Variants in CRK observed in about 807,000 individuals in gnomAD.
The protein encoded by CRK is adapter molecule crk.
Under a neutral mutation model 29.8 loss-of-function variants are expected in CRK, and 4 were observed. The ratio of observed to expected loss-of-function variants is 0.13; its 90% CI spans 0.07 to 0.31. CRK has a LOEUF of 0.31. CRK is among the 10% of genes least tolerant of loss of function. The pLI is 1.00. For missense variants in CRK, 274 were observed against 396.5 expected (o/e 0.69, Z 2.62); for synonymous variants, 153 against 164.9 (o/e 0.93, Z 0.55).
chr17:1,422,852 A>AAT lies in CRK; in HGVS notation c.*659_*660dup, dbSNP rs2073740854. The AAT allele has an allele frequency of 2.5e-6, 1 of 398,294 alleles. No individual in the cohort carries two copies. The highest frequency in any genetic ancestry group is 2.1e-5 in the African/African-American group (1 of 48,644). The allele number at this position is 398,294 out of a possible 1,614,324, so 24.7% of individuals were successfully genotyped here. A position where few individuals can be genotyped will look rare whatever the true frequency, so the allele number is the denominator to read the frequency against. ...CATCCTGCTTTTCACCTGGAATGAA[A>AAT]ATACACACTTATCTTAGGAATTCAC... On this transcript the variant is annotated 3_prime_UTR_variant, in exon 3 of 3. Transcript: ENST00000300574.
chr17:1,441,636 C>G (rs1402878610), intron 1 of CRK, among the ~76,000 whole-genome samples: 2 of 151,936 alleles, frequency 1.3e-5, no homozygotes, highest in Non-Finnish European at 2.9e-5. Context: ...GGACTACAGG[C>G]CCGCGCCACC....
chr17:1,441,333 G>A (rs928720004), intron 1 of CRK, among the ~76,000 whole-genome samples: 1 of 151,900 alleles, frequency 6.6e-6, no homozygotes, highest in Non-Finnish European at 1.5e-5. Flanking sequence ...ACATGATTTT[G>A]TTATTTCTTT....
At chr17:1,427,893 A>G (rs2073796797) in intron 2 of CRK, among the ~76,000 whole-genome samples, 1 of 151,886 alleles carries the variant, frequency 6.6e-6, no homozygotes, top group Non-Finnish European at 1.5e-5. Flanking sequence ...TCGGCTTCCC[A>G]AAGTGCTGGA....
chr17:1,438,846 T>A (rs1441412362), intron 1 of CRK, among the ~76,000 whole-genome samples: 3 of 145,890 alleles, frequency 2.1e-5, no homozygotes, highest in Non-Finnish European at 3.0e-5. Context: ...AAAGTTTCTT[T>A]AAAAAAAAAA....
At chr17:1,452,488 C>G (rs149832221) in intron 1 of CRK, among the ~76,000 whole-genome samples, 1 of 152,214 alleles carries the variant, frequency 6.6e-6, no homozygotes, top group Non-Finnish European at 1.5e-5. Flanking sequence ...CAAAGTAATT[C>G]TGAGGTTATA....
chr17:1,425,223 G>A lies in CRK; in HGVS notation c.778-1573C>T, dbSNP rs1391326293. 2.0e-5 allele frequency among the ~76,000 whole-genome samples: 3 copies of A among 151,670 alleles called. No individual in the cohort carries two copies. In the East Asian group the frequency reaches 5.9e-4, roughly 30 times the overall value. On this transcript the variant is annotated intron_variant, in intron 2 of 2. Transcript: ENST00000300574. ...TCCTGCCTCAGCCTCCCTAGTAGCT[G>A]GGACTACAGCCGCCCGCCACCACGC...
chr17:1,434,051 T>G (rs1333408974), intron 2 of CRK, among the ~76,000 whole-genome samples: 1 of 152,106 alleles, frequency 6.6e-6, no homozygotes, highest in Non-Finnish European at 1.5e-5. Context: ...CAAGCTCATC[T>G]GTTGTTTTAT....
chr17:1,423,851 G>C (rs1445802536), intron 2 of CRK, among the ~76,000 whole-genome samples: 1 of 152,120 alleles, frequency 6.6e-6, no homozygotes, highest in Non-Finnish European at 1.5e-5. Flanking sequence ...GTTTTTAGCA[G>C]TGTGGAAAAA....
intron 1 of CRK, among the ~76,000 whole-genome samples, chr17:1,446,120 C>T (rs1440142919): frequency 1.3e-5 from 2 of 152,104 alleles, no homozygotes; most frequent in Non-Finnish European, 1.5e-5. Flanking sequence ...AGCACAATGC[C>T]TTCCTAGACT....
rs191906929 is a variant in CRK, at chr17:1,431,211, C to T, written c.777+5409G>A. ...TAGAGACCAGGTCTTCCTGTGGTGC[C>T]ACATGTGGCCTTAGGTCTTTAACAG... On this transcript the variant is annotated intron_variant, in intron 2 of 2. Coordinates refer to ENST00000300574, the MANE Select transcript of CRK (RefSeq NM_016823.4). Among the ~76,000 whole-genome samples the T allele has an allele frequency of 1.1e-3, 169 of 152,178 alleles. 1 individual carries two copies. The East Asian group carries it at 0.026, about 23-fold the overall frequency.
At chr17:1,449,985 G>A (rs144003337) in intron 1 of CRK, among the ~76,000 whole-genome samples, 2,098 of 152,198 alleles carry the variant, frequency 0.014, 42 homozygotes, top group African/African-American at 0.047. Flanking sequence ...GATTACTTGA[G>A]GTCAGGAGAT....
At chr17:1,430,993 T>G (rs1002465753) in intron 2 of CRK, among the ~76,000 whole-genome samples, 3 of 151,938 alleles carry the variant, frequency 2.0e-5, no homozygotes, top group South Asian at 2.1e-4. Flanking sequence ...GCGTGAACCC[T>G]GGAGGCGGAG....
intron 1 of CRK, among the ~76,000 whole-genome samples, chr17:1,454,836 C>G (rs879486279): frequency 2.0e-5 from 3 of 152,160 alleles, no homozygotes; most frequent in Non-Finnish European, 2.9e-5. Flanking sequence ...TATCTATTCC[C>G]TTAAAACAGT....
At chr17:1,439,149 GCAGTGGCACAATCTCGACT>G (rs1187912177) in intron 1 of CRK, among the ~76,000 whole-genome samples, 6 of 152,174 alleles carry the variant, frequency 3.9e-5, no homozygotes, top group Middle Eastern at 3.2e-3. Context: ...AGGCTGGCGT[GCAGTGGCACAATCTCGACT>G]CAGTGCAAGC....
chr17:1,440,520 C>T (rs1377316277), intron 1 of CRK, among the ~76,000 whole-genome samples: 1 of 152,010 alleles, frequency 6.6e-6, no homozygotes, highest in Non-Finnish European at 1.5e-5. Flanking sequence ...TGGTTTACGT[C>T]TGTAATCCCA....
intron 2 of CRK, 131 bp downstream of exon 2, chr17:1,436,489 A>G: frequency 1.0e-6 from 1 of 958,494 alleles, no homozygotes; most frequent in Non-Finnish European, 1.5e-6. Flanking sequence ...ATTCAATGCC[A>G]ACATCAGTGC....
chr17:1,447,103 A>T (rs578043122), intron 1 of CRK, among the ~76,000 whole-genome samples: 5 of 152,192 alleles, frequency 3.3e-5, no homozygotes, highest in Non-Finnish European at 7.3e-5. Context: ...CAGAACACAC[A>T]TAAGTCCCAG....
chr17:1,452,842 C>T (rs2074028157), intron 1 of CRK, among the ~76,000 whole-genome samples: 1 of 150,052 alleles, frequency 6.7e-6, no homozygotes, highest in Non-Finnish European at 1.5e-5. Flanking sequence ...CAGTGGCTCA[C>T]ACCTGCAGTT....
intron 1 of CRK, among the ~76,000 whole-genome samples, chr17:1,441,805 T>A (rs963003543): frequency 2.6e-5 from 4 of 151,868 alleles, no homozygotes; most frequent in Non-Finnish European, 5.9e-5. Context: ...CCCAGCTGAT[T>A]TTGAAATTTT....
Sources: gnomAD v4.1 joint callset for allele counts (sites outside exome capture counted in the v4.1 genomes callset) on GRCh38, gnomAD v4.1.1 for gene constraint, MANE v1.5 for transcripts, NCBI Gene and HGNC (gene_info 2026-07-23, HGNC 2026-07-21) for gene names.